MAN2A2: variants seen among roughly 807,000 people sequenced by gnomAD.
MAN2A2 encodes the protein mannosidase alpha class 2A member 2, also known as alpha-mannosidase 2x.
MAN2A2 carries 79 observed loss-of-function variants against 126.8 expected under a neutral mutation model. That is an observed-to-expected ratio of 0.62 (90% CI 0.52 to 0.75). The LOEUF (loss-of-function observed/expected upper bound fraction) is 0.75. MAN2A2 is among the 30% of genes least tolerant of loss of function. The probability of loss-of-function intolerance (pLI) is 0.00; values close to 1 mark genes in which losing one functional copy is unlikely to be tolerated. For missense variants in MAN2A2, 1,392 were observed against 1,522.4 expected (o/e 0.91, Z 1.43); for synonymous variants, 671 against 618.7 (o/e 1.08, Z -1.25).
Position 90,904,355 on chromosome 15 carries a change from T to C in MAN2A2, c.132+16T>C. ...CTTCCCCCGGGTGAGTCGTGCCTGG[T>C]TGCTAATTTCTTTGTATACAAGTCA... is the stretch of plus-strand genomic sequence containing the variant. On this transcript the variant is annotated intron_variant, in intron 2 of 22. Coordinates refer to ENST00000559717, the MANE Select transcript of MAN2A2 (RefSeq NM_006122.4). The C allele has an allele frequency of 6.2e-7, 1 of 1,610,916 alleles. No homozygotes were observed.
intron 19 of MAN2A2, 164 bp from the exon 20 acceptor site, chr15:90,915,959 G>A (rs906797798): frequency 3.0e-6 from 2 of 663,236 alleles, no homozygotes; most frequent in East Asian, 5.7e-5. Context: ...CCCTCATCAG[G>A]TTCCCTCCCA....
chr15:90,918,864 T>G, intron 22 of MAN2A2, 109 bp downstream of exon 22: 1 of 799,672 alleles, frequency 1.3e-6, no homozygotes, highest in South Asian at 1.6e-5. Context: ...CTCCAGGGCT[T>G]TCTGGAGAGA....
At chr15:90,904,435 T>TG in intron 2 of MAN2A2, 96 bp downstream of exon 2, 14 of 1,302,490 alleles carry the variant, frequency 1.1e-5, no homozygotes, top group African/African-American at 1.6e-5. Context: ...CACCCCCCGC[T>TG]GGAGGGTAAT....
At chr15:90,917,114 T>C (rs1307120390) in intron 20 of MAN2A2, among the ~76,000 whole-genome samples, 1 of 152,262 alleles carries the variant, frequency 6.6e-6, no homozygotes, top group African/African-American at 2.4e-5. Flanking sequence ...CCAGTAGCCC[T>C]ATATGGCTAT....
At chr15:90,916,418 C>A (rs2035189036) in intron 20 of MAN2A2, 162 bp downstream of exon 20, 1 of 1,124,026 alleles carries the variant, frequency 8.9e-7, no homozygotes, top group Non-Finnish European at 1.3e-6. Flanking sequence ...CGTTTTGTGT[C>A]CCATCTCACG....
At position 90,919,732 on chromosome 15, in the gene MAN2A2, C is replaced by T; in HGVS notation, c.3398C>T (p.Thr1133Ile). ...LYPLASPSNS[T>I]DVYLEPMEIA... is the part of the protein sequence containing the mutation. ...CCTCTGGCCTCCCCGTCCAACAGCACTGACGTCTATTTGGAGCCCATGGAG... is the reference window on the plus strand; with the variant it reads ...CCTCTGGCCTCCCCGTCCAACAGCATTGACGTCTATTTGGAGCCCATGGAG... Residue 1133 changes from threonine (T) to isoleucine (I), a missense_variant, in exon 23 of 23, where the codon ACT becomes ATT. Thr to Ile is a moderately conservative substitution (Grantham distance 89). Coordinates refer to ENST00000559717, the MANE Select transcript of MAN2A2 (RefSeq NM_006122.4). The T allele has an allele frequency of 6.2e-7, 1 of 1,614,246 alleles. No homozygotes were observed. The highest frequency in any genetic ancestry group is 8.5e-7 in the Non-Finnish European group (1 of 1,180,046).
At position 90,904,339 on chromosome 15, in the gene MAN2A2, GGTGAGTC is replaced by G; in HGVS notation, c.132+4_132+10del. 1 of 1,613,166 alleles carries G rather than the reference GGTGAGTC, an allele frequency of 6.2e-7. No homozygotes were observed. Among genetic ancestry groups the G allele is most frequent in the Non-Finnish European group, 8.5e-7 (1 of 1,179,302 alleles). On this transcript the variant is annotated splice_donor_variant and splice_donor_5th_base_variant and intron_variant, in intron 2 of 22. Transcript: ENST00000559717. LOFTEE classifies it high-confidence loss of function. ...ACCAGAATGGTGGGAACTTCCCCCG[GGTGAGTC>G]GTGCCTGGTTGCTAATTTCTTTGTA...
rs1209127647 is a variant in MAN2A2, at chr15:90,906,423, A to G, written c.761A>G (p.Asp254Gly). Reference protein sequence around the residue: ...EIATGGWVMPDEANSHYFALI... With the variant: ...EIATGGWVMPGEANSHYFALI... ...GCGACAGGAGGCTGGGTGATGCCAG[A>G]TGAGGCCAATTCCCACTACTTTGCA... Residue 254 changes from aspartate (D) to glycine (G), a missense_variant, in exon 6 of 23, where the codon GAT (aspartate) becomes GGT (glycine). Physicochemically the swap from Asp to Gly is moderately conservative, Grantham distance 94. Transcript: ENST00000559717. The G allele has an allele frequency of 5.0e-6, 8 of 1,614,148 alleles. No individual in the cohort carries two copies. Among genetic ancestry groups the G allele is most frequent in the Non-Finnish European group, 6.8e-6 (8 of 1,179,986 alleles).
In MAN2A2 at chr15:90,913,706, C is replaced by T. The variant is rs142492148; in HGVS notation, c.2811C>T (p.Arg937=). Residue 937 remains arginine (R), a synonymous_variant, in exon 19 of 23, where the codon CGC becomes CGT. Transcript: ENST00000559717. ...VMAYIQDAQK[R]LTLHTAQALG... ...CCTATATCCAGGACGCACAGAAGCG[C>T]CTCACGCTGCACACTGCCCAGGCCC... 1 of 1,605,428 alleles carries T rather than the reference C, an allele frequency of 6.2e-7. No homozygotes were observed. Among genetic ancestry groups the T allele is most frequent in the Non-Finnish European group, 8.5e-7 (1 of 1,175,774 alleles).
chr15:90,918,705 G>A lies in MAN2A2; in HGVS notation c.3250G>A (p.Gly1084Ser), dbSNP rs887194635. 3.9e-6 allele frequency: 6 copies of A among 1,521,632 alleles called. No homozygotes were observed. The highest frequency in any genetic ancestry group is 2.7e-5 in the African/African-American group (2 of 72,752). The allele number at this position is 1,521,632 out of a possible 1,614,324, so 94.3% of individuals were successfully genotyped here. The part of the protein sequence containing the change: ...LILHRKGFDC[G>S]LEAKNLGFNC... The stretch of plus-strand genomic sequence containing the variant: ...CTTACACCGCAAGGGTTTTGACTGC[G>A]GCCTGGAGGCCAAGAACTTGGGCTT... Residue 1084 changes from glycine to serine, a missense_variant, in exon 22 of 23, where the codon GGC (glycine) becomes AGC (serine). By Grantham distance (56) the Gly-to-Ser change is moderately conservative. Transcript: ENST00000559717.
chr15:90,909,711 C>T (rs2034577310), intron 9 of MAN2A2, among the ~76,000 whole-genome samples: 1 of 151,878 alleles, frequency 6.6e-6, no homozygotes, highest in Non-Finnish European at 1.5e-5. Flanking sequence ...TCACGCCAGT[C>T]TCCTGCCTCA....
Position 90,913,645 on chromosome 15 carries a change from C to T in MAN2A2, c.2750C>T (p.Pro917Leu). 1 of 1,612,654 alleles carries T rather than the reference C, an allele frequency of 6.2e-7. No individual in the cohort carries two copies. The highest frequency in any genetic ancestry group is 8.5e-7 in the Non-Finnish European group (1 of 1,179,540). ...CCCCGACGGTATCTGAAGAAGCTCC[C>T]CCTCCAGGCCAACTTCTACCCCATG... Reference protein sequence around the residue: ...VQPRRYLKKLPLQANFYPMPV... With the variant: ...VQPRRYLKKLLLQANFYPMPV... The change falls in exon 19 of 23, where the codon CCC becomes CTC. Residue 917 changes from proline to leucine, a missense_variant. Physicochemically the swap from Pro to Leu is moderately conservative, Grantham distance 98. Transcript: ENST00000559717.
At position 90,912,881 on chromosome 15, in the gene MAN2A2, A is replaced by G. The variant is rs1361577162; in HGVS notation, c.2474A>G (p.Tyr825Cys). Reference sequence around the variant, plus strand: ...AGCAATCTGCTCTTTCTCTAGCCCTACGTCCCCAAGGAGCCCCCCGTGCTG... The same window carrying G: ...AGCAATCTGCTCTTTCTCTAGCCCTGCGTCCCCAAGGAGCCCCCCGTGCTG... ...LFLPDGEAKP[Y>C]VPKEPPVLRV... Residue 825 changes from tyrosine to cysteine, a missense_variant, in exon 17 of 23, where the codon TAC becomes TGC. Physicochemically the swap from Tyr to Cys is radical, Grantham distance 194 (BLOSUM62 -2). Transcript: ENST00000559717. The G allele has an allele frequency of 3.7e-6, 6 of 1,613,280 alleles. No individual in the cohort carries two copies. Among genetic ancestry groups the G allele is most frequent in the East Asian group, 2.2e-5 (1 of 44,882 alleles).
intron 8 of MAN2A2, 72 bp downstream of exon 8, chr15:90,907,567 G>A: frequency 6.8e-7 from 1 of 1,467,264 alleles, no homozygotes; most frequent in Non-Finnish European, 9.2e-7. Context: ...CGTGCCACGT[G>A]GAGGGTGGGC....
In MAN2A2 at chr15:90,921,230, A is replaced by G. The variant is rs2035529275; in HGVS notation, c.*1443A>G. ...TGAAGACCTGTTAAGAGTATTCTGT[A>G]AGTCAACCCAATGATACACATCATG... is the stretch of plus-strand genomic sequence containing the variant. On this transcript the variant is annotated 3_prime_UTR_variant, in exon 23 of 23. Coordinates refer to ENST00000559717, the MANE Select transcript of MAN2A2 (RefSeq NM_006122.4). The G allele has an allele frequency of 6.6e-6, 1 of 152,270 alleles. No homozygotes were observed. Among genetic ancestry groups the G allele is most frequent in the Admixed American group, 6.5e-5 (1 of 15,284 alleles). 9.4% of individuals were successfully genotyped at this position (152,270 alleles called of 1,614,324 possible). A position where few individuals can be genotyped will look rare whatever the true frequency, so the allele number is the denominator to read the frequency against.
upstream of MAN2A2, chr15:90,902,786 A>G (rs998927179): frequency 2.4e-4 from 34 of 144,126 alleles, 1 homozygote; most frequent in Admixed American, 1.4e-3. Context: ...GGGCCGGCGC[A>G]GCGGAGCGCG....
At chr15:90,911,736 G>T (rs2034761956) in intron 14 of MAN2A2, 186 bp downstream of exon 14, 1 of 661,256 alleles carries the variant, frequency 1.5e-6, no homozygotes, top group Non-Finnish European at 2.5e-6. Context: ...TCCTTGAAAA[G>T]AAGGGGAAGG....
rs760411333 is a variant in MAN2A2 at position 90,910,303 on chromosome 15, G to C, written c.1577+11G>C. On this transcript the variant is annotated intron_variant, in intron 10 of 22. Coordinates refer to ENST00000559717, the MANE Select transcript of MAN2A2 (RefSeq NM_006122.4). ...GGAAGCCCACCTGCGGTGAGACCCT[G>C]TCCCCGCTTCCAGGCTGGAGGGGGA... The C allele has an allele frequency of 1.2e-5, 19 of 1,613,534 alleles. No homozygotes were observed. The highest frequency in any genetic ancestry group is 1.6e-5 in the Non-Finnish European group (19 of 1,179,604).
intron 21 of MAN2A2, 88 bp downstream of exon 21, chr15:90,918,476 G>T: frequency 6.9e-7 from 1 of 1,456,946 alleles, no homozygotes; most frequent in South Asian, 1.3e-5. Context: ...CCAGGATGAG[G>T]TCCAGACCCC....
Sources: gnomAD v4.1 joint callset for allele counts (sites outside exome capture counted in the v4.1 genomes callset) on GRCh38, gnomAD v4.1.1 for gene constraint, MANE v1.5 for transcripts, NCBI Gene and HGNC (gene_info 2026-07-23, HGNC 2026-07-21) for gene names.